The following SPOPL variants were observed in gnomAD, a reference collection of about 807,000 sequenced individuals.
SPOPL encodes the protein speckle-type POZ protein-like.
SPOPL carries 23 observed loss-of-function variants against 53.8 expected under a neutral mutation model. The ratio of observed to expected loss-of-function variants is 0.43; its 90% CI spans 0.31 to 0.61. The LOEUF is 0.61. Ranked by LOEUF, SPOPL falls within the 20% of genes least tolerant of loss-of-function variation. The pLI, the probability that SPOPL is intolerant of heterozygous loss-of-function variation, is 0.12. For missense variants in SPOPL, 442 were observed against 466.9 expected (o/e 0.95, Z 0.49); for synonymous variants, 164 against 149.7 (o/e 1.10, Z -0.70).
Position 138,567,855 on chromosome 2 carries a change from G to T in SPOPL, c.1035-1081G>T, listed in dbSNP as rs545135878. On this transcript the variant is annotated intron_variant, in intron 10 of 10. Transcript: ENST00000280098. Reference sequence around the variant, plus strand: ...AGATGGCATAAAGTAGAGAATTGAGGCAAGGAAGGGTAACTAGATTTGTTG... The same window carrying T: ...AGATGGCATAAAGTAGAGAATTGAGTCAAGGAAGGGTAACTAGATTTGTTG... Among the ~76,000 whole-genome samples, 3 of 152,222 alleles carry T rather than the reference G, an allele frequency of 2.0e-5. No homozygotes were observed. In the East Asian group the frequency reaches 5.8e-4, roughly 29 times the overall value.
chr2:138,507,804 A>G (rs938155311), intron 1 of SPOPL, among the ~76,000 whole-genome samples: 1 of 152,182 alleles, frequency 6.6e-6, no homozygotes, highest in Non-Finnish European at 1.5e-5. Context: ...TATCTTTAAG[A>G]ATTAAATATT....
intron 1 of SPOPL, among the ~76,000 whole-genome samples, chr2:138,523,154 T>TA (rs1684593002): frequency 6.6e-6 from 1 of 152,192 alleles, no homozygotes; most frequent in Admixed American, 6.5e-5. Context: ...TAGTTGGACT[T>TA]ACAGTTCCAC....
chr2:138,531,570 G>T (rs1263430341), intron 1 of SPOPL, among the ~76,000 whole-genome samples: 2 of 152,060 alleles, frequency 1.3e-5, no homozygotes, highest in Non-Finnish European at 2.9e-5. Context: ...CTTGCACTGT[G>T]TCTCACGTTT....
chr2:138,536,876 G>C (rs567743414), intron 1 of SPOPL, among the ~76,000 whole-genome samples: 1 of 152,232 alleles, frequency 6.6e-6, no homozygotes, highest in African/African-American at 2.4e-5. Context: ...TCTGGAGTAA[G>C]GAGGAAGGAA....
intron 1 of SPOPL, among the ~76,000 whole-genome samples, chr2:138,546,582 T>C (rs1685200029): frequency 6.6e-6 from 1 of 152,252 alleles, no homozygotes. Flanking sequence ...TATTATTTTC[T>C]GTGCCAGTCC....
chr2:138,529,836 G>T (rs1333940803), intron 1 of SPOPL, among the ~76,000 whole-genome samples: 2 of 152,076 alleles, frequency 1.3e-5, no homozygotes, highest in Non-Finnish European at 2.9e-5. Context: ...TTTATTTTAA[G>T]TTCAGGGGTA....
At chr2:138,514,459 T>C (rs1401823271) in intron 1 of SPOPL, among the ~76,000 whole-genome samples, 1 of 152,208 alleles carries the variant, frequency 6.6e-6, no homozygotes, top group Non-Finnish European at 1.5e-5. Flanking sequence ...GACTTTTCCC[T>C]TTAGCTTAGT....
intron 1 of SPOPL, among the ~76,000 whole-genome samples, chr2:138,517,376 C>A (rs1684461465): frequency 6.6e-6 from 1 of 152,044 alleles, no homozygotes; most frequent in African/African-American, 2.4e-5. Flanking sequence ...GAGCATTAGG[C>A]TTTTGAGGAT....
At chr2:138,548,047 T>A (rs970538251) in intron 1 of SPOPL, among the ~76,000 whole-genome samples, 2 of 152,136 alleles carry the variant, frequency 1.3e-5, no homozygotes, top group Admixed American at 6.5e-5. Context: ...AGGATGAATC[T>A]GACAAAATTT....
chr2:138,514,662 C>T (rs1684401549), intron 1 of SPOPL, among the ~76,000 whole-genome samples: 1 of 152,070 alleles, frequency 6.6e-6, no homozygotes, highest in Non-Finnish European at 1.5e-5. Context: ...GTAAAATATC[C>T]TTGTATTCCT....
chr2:138,543,487 A>G (rs941464899), intron 1 of SPOPL, among the ~76,000 whole-genome samples: 8 of 151,982 alleles, frequency 5.3e-5, no homozygotes, highest in African/African-American at 1.5e-4. Flanking sequence ...CATTCATTTC[A>G]TCTTCCATCA....
intron 1 of SPOPL, among the ~76,000 whole-genome samples, chr2:138,535,999 T>C (rs1437410857): frequency 6.6e-6 from 1 of 152,192 alleles, no homozygotes; most frequent in African/African-American, 2.4e-5. Flanking sequence ...CTTTACCTTT[T>C]TGTTGACATT....
At chr2:138,502,756 C>A (rs1438735572) in intron 1 of SPOPL, among the ~76,000 whole-genome samples, 1 of 152,178 alleles carries the variant, frequency 6.6e-6, no homozygotes, top group Admixed American at 6.5e-5. Flanking sequence ...CTTCAAAGAG[C>A]CCACTTGTAT....
At chr2:138,550,823 CTCTT>C (rs1193940397) in intron 3 of SPOPL, 76 bp from the exon 4 acceptor site, 77 of 1,356,438 alleles carry the variant, frequency 5.7e-5, no homozygotes, top group Non-Finnish European at 6.9e-5. Flanking sequence ...TTCTCTCTCT[CTCTT>C]TCTCTCTCTC....
At chr2:138,518,008 A>G (rs1684478784) in intron 1 of SPOPL, among the ~76,000 whole-genome samples, 1 of 146,752 alleles carries the variant, frequency 6.8e-6, no homozygotes, top group East Asian at 2.0e-4. Flanking sequence ...AGATTGTGCC[A>G]TTGCACTCCA....
intron 4 of SPOPL, among the ~76,000 whole-genome samples, chr2:138,551,794 C>T (rs1056514920): frequency 3.3e-5 from 5 of 151,926 alleles, no homozygotes; most frequent in Admixed American, 2.6e-4. Flanking sequence ...TACTAATTTT[C>T]CACTTCCATT....
intron 1 of SPOPL, among the ~76,000 whole-genome samples, chr2:138,525,663 A>AAAAAAAAAAAAAAAAAAAAAAC (rs1558865850): frequency 5.4e-5 from 7 of 130,468 alleles, no homozygotes; most frequent in Non-Finnish European, 9.4e-5. Context: ...GTAGAAAAAA[A>AAAAAAAAAAAAAAAAAAAAAAC]AAAAAAAAAA....
chr2:138,561,208 A>C (rs1325567630), intron 8 of SPOPL, among the ~76,000 whole-genome samples: 2 of 152,198 alleles, frequency 1.3e-5, no homozygotes, highest in African/African-American at 4.8e-5. Flanking sequence ...AAGAACACAC[A>C]CAGTGACATA....
In SPOPL at chr2:138,531,243, T is replaced by C. The variant is rs1684801673; in HGVS notation, c.-60-18914T>C. 2.0e-5 allele frequency among the ~76,000 whole-genome samples: 3 copies of C among 152,110 alleles called. No homozygotes were observed. In the South Asian group the frequency reaches 6.2e-4, roughly 31 times the overall value. ...CTATTTTATTTTTAGTTATGCTGTC[T>C]TTTCTTGTAGTGGTTACTGTAGAGA... On this transcript the variant is annotated intron_variant, in intron 1 of 10. Transcript: ENST00000280098.
Sources: allele counts gnomAD v4.1 joint callset (sites outside exome capture counted in the v4.1 genomes callset), GRCh38; gene constraint gnomAD v4.1.1; transcripts MANE v1.5; gene names NCBI Gene and HGNC (gene_info 2026-07-23, HGNC 2026-07-21).